Variants in ARHGEF2 observed in about 807,000 individuals in gnomAD.
ARHGEF2 encodes the protein Rho/Rac guanine nucleotide exchange factor 2.
A neutral mutation model predicts 121.0 loss-of-function variants in ARHGEF2; 22 were observed. The observed-to-expected ratio is 0.18, with a 90% CI of 0.13 to 0.26. The LOEUF is 0.26. Among genes scored for constraint, ARHGEF2 ranks in the 10% least tolerant of loss-of-function variants. The pLI is 1.00. For missense variants in ARHGEF2, 907 were observed against 1,336.0 expected (o/e 0.68, Z 5.01); for synonymous variants, 487 against 530.0 (o/e 0.92, Z 1.11).
intron 11 of ARHGEF2, among the ~76,000 whole-genome samples, chr1:155,960,882 G>A (rs1353292823): frequency 2.0e-5 from 3 of 152,208 alleles, no homozygotes; most frequent in Non-Finnish European, 4.4e-5. Flanking sequence ...AAGAGAGCCT[G>A]GGAAAGTGTG....
rs1191004071 is a variant in ARHGEF2, at chr1:155,947,754, A to G, written c.*188T>C. 1.8e-6 allele frequency: 1 copy of G among 561,584 alleles called. No individual in the cohort carries two copies. Among genetic ancestry groups the G allele is most frequent in the Non-Finnish European group, 3.2e-6 (1 of 312,808 alleles). The allele number at this position is 561,584 out of a possible 1,614,324, so 34.8% of individuals were successfully genotyped here. A position where few individuals can be genotyped will look rare whatever the true frequency, so the allele number is the denominator to read the frequency against. On this transcript the variant is annotated 3_prime_UTR_variant, in exon 22 of 22. Transcript: ENST00000361247. ...CTGTGGTGTAGCTTTCGGATGTCCCAGGGGGTGTTGTGGCCTAATTCCCCT... is the reference window on the plus strand; with the variant it reads ...CTGTGGTGTAGCTTTCGGATGTCCCGGGGGGTGTTGTGGCCTAATTCCCCT...
At chr1:155,964,168 ATATATAT>A (rs1490639695) in intron 7 of ARHGEF2, among the ~76,000 whole-genome samples, 4 of 55,232 alleles carry the variant, frequency 7.2e-5, no homozygotes, top group African/African-American at 5.0e-4. Context: ...AAAAAAAAAA[ATATATAT>A]ATATATATAT....
chr1:155,975,147 G>A (rs949772939), intron 1 of ARHGEF2, among the ~76,000 whole-genome samples: 2 of 152,102 alleles, frequency 1.3e-5, no homozygotes, highest in Admixed American at 6.5e-5. Context: ...CTACTTCCTC[G>A]TGGCCAGAGA....
Position 155,965,826 on chromosome 1 carries a change from T to C in ARHGEF2, c.341-66A>G, listed in dbSNP as rs2102673716. The stretch of plus-strand genomic sequence containing the variant: ...GGTGCTTCCCAGGATTGAGGCCTCC[T>C]AGGCTCCTCAATGAGGAATGAGGCA... On this transcript the variant is annotated intron_variant, in intron 4 of 21. Transcript: ENST00000361247. This position sits in a 1 kb window ranked among gnomAD's most constrained non-coding sequence, Gnocchi z 6.0. The C allele has an allele frequency of 6.6e-7, 1 of 1,513,890 alleles. No individual in the cohort carries two copies. Among genetic ancestry groups the C allele is most frequent in the Non-Finnish European group, 8.8e-7 (1 of 1,140,670 alleles). 93.8% of individuals were successfully genotyped at this position (1,513,890 alleles called of 1,614,324 possible).
At chr1:155,969,127 G>A (rs1410606680) in intron 2 of ARHGEF2, 29 bp downstream of exon 2, 3 of 1,612,744 alleles carry the variant, frequency 1.9e-6, no homozygotes, top group Middle Eastern at 3.3e-4. Flanking sequence ...CACCGAGTCT[G>A]GGTGACTCTC....
chr1:155,961,845 A>G lies in ARHGEF2; in HGVS notation c.1284T>C (p.Asn428=). 6.2e-7 allele frequency: 1 copy of G among 1,614,130 alleles called. No individual in the cohort carries two copies. The highest frequency in any genetic ancestry group is 1.3e-5 in the African/African-American group (1 of 75,028). Residue 428 remains asparagine (N), a synonymous_variant, in exon 11 of 22, where the codon AAT becomes AAC. Transcript: ENST00000361247. This position sits in a 1 kb window ranked among gnomAD's most constrained non-coding sequence, Gnocchi z 4.7. ...CCAGCTGATAAATACCCTCGTCCAC[A>G]TTGGACAGCAGCTCCTTCACTAGCC... ...ALGLVKELLS[N]VDEGIYQLEK...
intron 7 of ARHGEF2, among the ~76,000 whole-genome samples, chr1:155,963,774 C>T (rs758918418): frequency 1.6e-4 from 24 of 151,952 alleles, no homozygotes; most frequent in Non-Finnish European, 2.9e-4. Context: ...TGGGCTCAAG[C>T]GATCCTCCTG....
At chr1:155,964,236 G>C (rs2102669532) in intron 7 of ARHGEF2, among the ~76,000 whole-genome samples, 2 of 136,066 alleles carry the variant, frequency 1.5e-5, no homozygotes, top group South Asian at 4.6e-4. Context: ...TAGAGACAGA[G>C]GTCTTGCTTT....
chr1:155,963,076 C>T lies in ARHGEF2; in HGVS notation c.832G>A (p.Gly278Ser). The T allele has an allele frequency of 6.2e-7, 1 of 1,614,054 alleles. No homozygotes were observed. The highest frequency in any genetic ancestry group is 1.3e-5 in the African/African-American group (1 of 74,990). Reference sequence around the variant, plus strand: ...AGCTCGTCCACGCAGGGGAACAGGCCCTGGACCACTCCTGGCTCCAAGTGT... The same window carrying T: ...AGCTCGTCCACGCAGGGGAACAGGCTCTGGACCACTCCTGGCTCCAAGTGT... ...ELHLEPGVVQGLFPCVDELSD... is the reference protein window; with the variant it reads ...ELHLEPGVVQSLFPCVDELSD... Residue 278 changes from glycine (G) to serine (S), a missense_variant, in exon 8 of 22, where the codon GGC becomes AGC. Gly to Ser is a moderately conservative substitution (Grantham distance 56). This residue lies in a region of ARHGEF2 where 475 missense variants were observed against 776.5 expected (regional missense o/e 0.61). Coordinates refer to ENST00000361247, the MANE Select transcript of ARHGEF2 (RefSeq NM_001162383.2).
At chr1:155,970,827 T>G (rs1680316659) in intron 1 of ARHGEF2, 2 of 986,184 alleles carry the variant, frequency 2.0e-6, no homozygotes, top group Non-Finnish European at 2.4e-6. Context: ...ATCCTTCTCT[T>G]TCCTGCCTCT....
At chr1:155,948,085 T>C (rs1674679394) in intron 21 of ARHGEF2, 70 bp from the exon 22 acceptor site, 3 of 1,295,096 alleles carry the variant, frequency 2.3e-6, no homozygotes, top group African/African-American at 2.9e-5. Flanking sequence ...CCTAGACTAA[T>C]GCCTCCCCAT....
chr1:155,969,908 T>C lies in ARHGEF2; in HGVS notation c.64-608A>G, dbSNP rs932756582. 1.9e-5 allele frequency: 19 copies of C among 985,240 alleles called. No homozygotes were observed. In the African/African-American group the frequency reaches 2.6e-4, roughly 14 times the overall value. 61.0% of individuals were successfully genotyped at this position (985,240 alleles called of 1,614,324 possible). Reference sequence around the variant, plus strand: ...CAGGATCCCAGACCTCTAACTCTTTTCACCAACCCTCAGCCACGGCACACA... The same window carrying C: ...CAGGATCCCAGACCTCTAACTCTTTCCACCAACCCTCAGCCACGGCACACA... On this transcript the variant is annotated intron_variant, in intron 1 of 21. Coordinates refer to ENST00000361247, the MANE Select transcript of ARHGEF2 (RefSeq NM_001162383.2).
rs1674621037 is a variant in ARHGEF2 at position 155,947,744 on chromosome 1, C to T, written c.*198G>A. On this transcript the variant is annotated 3_prime_UTR_variant, in exon 22 of 22. Coordinates refer to ENST00000361247, the MANE Select transcript of ARHGEF2 (RefSeq NM_001162383.2). ...CCACTGGCATCTGTGGTGTAGCTTT[C>T]GGATGTCCCAGGGGGTGTTGTGGCC... 5 of 546,414 alleles carry T rather than the reference C, an allele frequency of 9.2e-6. No individual in the cohort carries two copies. The highest frequency in any genetic ancestry group is 1.6e-5 in the Non-Finnish European group (5 of 305,294). 33.8% of individuals were successfully genotyped at this position (546,414 alleles called of 1,614,324 possible).
chr1:155,960,208 C>T (rs1416425905), intron 11 of ARHGEF2, among the ~76,000 whole-genome samples: 1 of 152,112 alleles, frequency 6.6e-6, no homozygotes, highest in Non-Finnish European at 1.5e-5. Flanking sequence ...CTCACATTTA[C>T]AATCCCAGCA....
At chr1:155,978,734 C>A, upstream of ARHGEF2, 1 of 784,302 alleles carries the variant, frequency 1.3e-6, no homozygotes, top group Non-Finnish European at 1.6e-6. This position sits in a 1 kb window ranked among gnomAD's most constrained non-coding sequence, Gnocchi z 4.1. Flanking sequence ...GCCCCTCTGC[C>A]TATTTCCCCT....
intron 2 of ARHGEF2, chr1:155,968,382 T>G (rs1229037245): frequency 6.6e-6 from 1 of 152,056 alleles, no homozygotes; most frequent in Non-Finnish European, 1.5e-5. Context: ...CAGTAGCAGG[T>G]CACAATACCT....
At chr1:155,967,479 C>T (rs1679649098) in intron 2 of ARHGEF2, among the ~76,000 whole-genome samples, 5 of 152,132 alleles carry the variant, frequency 3.3e-5, no homozygotes, top group African/African-American at 9.7e-5. Flanking sequence ...GTTTACACTC[C>T]GGTGGGCCTG....
At chr1:155,966,701 C>T (rs1480798070) in intron 3 of ARHGEF2, 119 bp downstream of exon 3, 3 of 1,231,024 alleles carry the variant, frequency 2.4e-6, no homozygotes, top group African/African-American at 1.5e-5. Context: ...GTCTGGGCTG[C>T]CCCTTGGTGA....
In ARHGEF2 at chr1:155,978,540, T is replaced by C. The variant is rs1266027769; in HGVS notation, c.-113A>G. On this transcript the variant is annotated 5_prime_UTR_variant, in exon 1 of 22. Coordinates refer to ENST00000361247, the MANE Select transcript of ARHGEF2 (RefSeq NM_001162383.2). This position sits in a 1 kb window ranked among gnomAD's most constrained non-coding sequence, Gnocchi z 4.1. ...ACGCGTTGGTCTCGGGGACAGGAAGTCTGACTCCCCTCGCCCGGCACCCAG... is the reference window on the plus strand; with the variant it reads ...ACGCGTTGGTCTCGGGGACAGGAAGCCTGACTCCCCTCGCCCGGCACCCAG... 7.9e-7 allele frequency: 1 copy of C among 1,273,108 alleles called. No homozygotes were observed. The highest frequency in any genetic ancestry group is 2.3e-4 in the Middle Eastern group (1 of 4,436). The allele number at this position is 1,273,108 out of a possible 1,614,324, so 78.9% of individuals were successfully genotyped here. A position where few individuals can be genotyped will look rare whatever the true frequency, so the allele number is the denominator to read the frequency against.
Sources: allele counts gnomAD v4.1 joint callset (sites outside exome capture counted in the v4.1 genomes callset), GRCh38; gene constraint gnomAD v4.1.1; regional missense constraint gnomAD v4.1.1; non-coding constraint Gnocchi (gnomAD v3.1); transcripts MANE v1.5; gene names NCBI Gene and HGNC (gene_info 2026-07-23, HGNC 2026-07-21).